Variants in ZNF804B observed in about 807,000 individuals in gnomAD.
ZNF804B encodes the protein zinc finger 804B.
Under a neutral mutation model 101.4 loss-of-function variants are expected in ZNF804B, and 80 were observed. The observed-to-expected ratio is 0.79, with a 90% CI of 0.66 to 0.95. The LOEUF (loss-of-function observed/expected upper bound fraction) is 0.95. Among genes scored for constraint, ZNF804B ranks in the 40% least tolerant of loss-of-function variants. The probability of loss-of-function intolerance (pLI) is 0.00; values close to 1 mark genes in which losing one functional copy is unlikely to be tolerated. For synonymous variants in ZNF804B, 622 were observed against 558.8 expected, an observed-to-expected ratio of 1.11 and a Z score of -1.59; for missense variants, 1,673 against 1,561.9, an observed-to-expected ratio of 1.07 and a Z score of -1.20.
chr7:88,970,982 A>T (rs189099566), intron 1 of ZNF804B, among the ~76,000 whole-genome samples: 52 of 142,370 alleles, frequency 3.7e-4, no homozygotes, highest in African/African-American at 1.2e-3. Context: ...AATAAAATTT[A>T]AAAAAAGAAC....
At chr7:89,247,570 T>A (rs1227554070) in intron 2 of ZNF804B, among the ~76,000 whole-genome samples, 5 of 151,714 alleles carry the variant, frequency 3.3e-5, no homozygotes, top group South Asian at 2.1e-4. Context: ...AATAAAAAAA[T>A]AATAATAATA....
intron 1 of ZNF804B, among the ~76,000 whole-genome samples, chr7:89,095,343 C>A (rs2116330923): frequency 6.6e-6 from 1 of 152,258 alleles, no homozygotes; most frequent in Admixed American, 6.5e-5. Context: ...TTAGACTTCC[C>A]AGCCTCTAGA....
chr7:88,878,619 C>G lies in ZNF804B; in HGVS notation c.108+118535C>G, dbSNP rs555614714. The stretch of plus-strand genomic sequence containing the variant: ...TTTTGCATTTTTTTAATCACCTATA[C>G]TATGCTATTTTTGACAATGAAAACA... On this transcript the variant is annotated intron_variant, in intron 1 of 3. Coordinates refer to ENST00000333190, the MANE Select transcript of ZNF804B (RefSeq NM_181646.5). Among the ~76,000 whole-genome samples the G allele has an allele frequency of 9.9e-5, 15 of 152,148 alleles. No individual in the cohort carries two copies. The South Asian group carries it at 2.9e-3, about 29-fold the overall frequency.
intron 1 of ZNF804B, among the ~76,000 whole-genome samples, chr7:89,036,690 G>A (rs1236836587): frequency 2.0e-5 from 3 of 152,032 alleles, no homozygotes; most frequent in Non-Finnish European, 4.4e-5. Context: ...ATATGGTGTG[G>A]ACACCTGATT....
chr7:88,872,471 T>A (rs188701620), intron 1 of ZNF804B, among the ~76,000 whole-genome samples: 36 of 152,228 alleles, frequency 2.4e-4, no homozygotes, highest in African/African-American at 6.5e-4. Flanking sequence ...TGTTTTATTT[T>A]ATTTATTATT....
chr7:89,239,567 T>C (rs1399590472), intron 2 of ZNF804B, among the ~76,000 whole-genome samples: 1 of 152,138 alleles, frequency 6.6e-6, no homozygotes, highest in East Asian at 1.9e-4. Flanking sequence ...GTAAGGAACT[T>C]ATCAATTGAA....
intron 1 of ZNF804B, among the ~76,000 whole-genome samples, chr7:89,215,488 C>T (rs1018246376): frequency 3.9e-5 from 6 of 152,024 alleles, no homozygotes; most frequent in Non-Finnish European, 5.9e-5. Context: ...TTCCCCTACA[C>T]CAGCTCATGA....
intron 1 of ZNF804B, among the ~76,000 whole-genome samples, chr7:89,023,533 T>C (rs1387270793): frequency 6.6e-6 from 1 of 152,204 alleles, no homozygotes; most frequent in Non-Finnish European, 1.5e-5. Flanking sequence ...TTAATTCCTC[T>C]CTAATAACCA....
chr7:88,814,111 T>C (rs1279002345), intron 1 of ZNF804B, among the ~76,000 whole-genome samples: 2 of 152,184 alleles, frequency 1.3e-5, no homozygotes, highest in East Asian at 1.9e-4. Flanking sequence ...TATATTCTGC[T>C]CTTGGATATT....
chr7:89,194,018 G>A (rs1449150989), intron 1 of ZNF804B, among the ~76,000 whole-genome samples: 2 of 152,156 alleles, frequency 1.3e-5, no homozygotes, highest in South Asian at 4.1e-4. Flanking sequence ...ACTAGTGTGA[G>A]ATGGTATCTC....
At position 89,178,233 on chromosome 7, in the gene ZNF804B, G is replaced by A. The variant is rs575713872; in HGVS notation, c.109-39922G>A. ...CATTTCATCCATTTACATACTCTATGTCTTTTGATTGGGTAGTTTCATCCA... is the reference window on the plus strand; with the variant it reads ...CATTTCATCCATTTACATACTCTATATCTTTTGATTGGGTAGTTTCATCCA... On this transcript the variant is annotated intron_variant, in intron 1 of 3. Coordinates refer to ENST00000333190, the MANE Select transcript of ZNF804B (RefSeq NM_181646.5). Among the ~76,000 whole-genome samples the A allele has an allele frequency of 5.9e-5, 9 of 151,484 alleles. No homozygotes were observed. The South Asian group carries it at 1.9e-3, about 32-fold the overall frequency.
chr7:89,077,830 A>G (rs1164947954), intron 1 of ZNF804B, among the ~76,000 whole-genome samples: 1 of 152,174 alleles, frequency 6.6e-6, no homozygotes, highest in African/African-American at 2.4e-5. Flanking sequence ...CTGTATCAAT[A>G]TAAATAAAAA....
chr7:88,920,306 A>G lies in ZNF804B; in HGVS notation c.108+160222A>G, dbSNP rs377057677. The stretch of plus-strand genomic sequence containing the variant: ...TTGCATGACTGGAATCACATTAGAG[A>G]CCATGTTACTCCTAGCAACATTACT... On this transcript the variant is annotated intron_variant, in intron 1 of 3. Coordinates refer to ENST00000333190, the MANE Select transcript of ZNF804B (RefSeq NM_181646.5). 2.0e-3 allele frequency among the ~76,000 whole-genome samples: 297 copies of G among 152,172 alleles called. 2 individuals are homozygous for G. The highest frequency in any genetic ancestry group is 6.8e-3 in the African/African-American group (282 of 41,544).
intron 1 of ZNF804B, among the ~76,000 whole-genome samples, chr7:88,824,180 G>T (rs1246630300): frequency 6.6e-6 from 1 of 152,086 alleles, no homozygotes; most frequent in Non-Finnish European, 1.5e-5. Context: ...GGTATATGAG[G>T]GTGATATGGT....
intron 1 of ZNF804B, among the ~76,000 whole-genome samples, chr7:88,800,692 TTGTGTGTGTGTG>T (rs6150209): frequency 0.057 from 8,310 of 146,658 alleles, 411 homozygotes; most frequent in East Asian, 0.22. Context: ...TAGATATGAT[TTGTGTGTGTGTG>T]TGTGTGTGTG....
At chr7:89,005,732 C>G (rs922211303) in intron 1 of ZNF804B, among the ~76,000 whole-genome samples, 1 of 152,040 alleles carries the variant, frequency 6.6e-6, no homozygotes, top group African/African-American at 2.4e-5. Context: ...TCTCAAAAAG[C>G]AGAAGTGTTT....
intron 1 of ZNF804B, among the ~76,000 whole-genome samples, chr7:89,056,228 A>G (rs2027974): frequency 0.46 from 70,573 of 151,838 alleles, 17,014 homozygotes; most frequent in Non-Finnish European, 0.53. Context: ...TTGGTCTCAA[A>G]GATTCCTTGT....
rs771383465 is a variant in ZNF804B at position 89,333,635 on chromosome 7, G to T, written c.653G>T (p.Gly218Val). ...CTCAGCAATGCAAATCACAGAACAG[G>T]AGTATCATTTACTTTTTCCAAAAAA... Reference protein sequence around the residue: ...SDLSNANHRTGVSFTFSKKVH... With the variant: ...SDLSNANHRTVVSFTFSKKVH... Residue 218 changes from glycine to valine, a missense_variant, in exon 4 of 4, where the codon GGA becomes GTA. By Grantham distance (109) the Gly-to-Val change is moderately radical. Coordinates refer to ENST00000333190, the MANE Select transcript of ZNF804B (RefSeq NM_181646.5). 1.8e-5 allele frequency: 29 copies of T among 1,613,522 alleles called. No individual in the cohort carries two copies. The highest frequency in any genetic ancestry group is 2.4e-5 in the Non-Finnish European group (28 of 1,179,692).
At chr7:89,122,543 A>G (rs997106035) in intron 1 of ZNF804B, among the ~76,000 whole-genome samples, 12 of 152,164 alleles carry the variant, frequency 7.9e-5, no homozygotes, top group African/African-American at 2.2e-4. Context: ...ATTCCTTTCA[A>G]TGGGGGCCAT....
Sources: gnomAD v4.1 joint callset for allele counts (sites outside exome capture counted in the v4.1 genomes callset) on GRCh38, gnomAD v4.1.1 for gene constraint, MANE v1.5 for transcripts, NCBI Gene and HGNC (gene_info 2026-07-23, HGNC 2026-07-21) for gene names.